Variants in IGF2BP3 observed in about 807,000 individuals in gnomAD.
IGF2BP3 encodes insulin like growth factor 2 mRNA binding protein 3, also known as insulin-like growth factor 2 mRNA-binding protein 3.
IGF2BP3 carries 9 observed loss-of-function variants against 73.8 expected under a neutral mutation model. The observed-to-expected ratio is 0.12, with a 90% CI of 0.07 to 0.21. IGF2BP3 has a LOEUF of 0.21. IGF2BP3 is among the 10% of genes least tolerant of loss of function. The pLI is 1.00. For missense variants in IGF2BP3, 542 were observed against 714.0 expected (o/e 0.76, Z 2.75); for synonymous variants, 258 against 256.7 (o/e 1.01, Z -0.05).
At position 23,312,310 on chromosome 7, in the gene IGF2BP3, A is replaced by T; in HGVS notation, c.*52T>A. The T allele has an allele frequency of 7.7e-7, 1 of 1,298,258 alleles. No homozygotes were observed. Among genetic ancestry groups the T allele is most frequent in the Non-Finnish European group, 1.1e-6 (1 of 895,206 alleles). The allele number at this position is 1,298,258 out of a possible 1,614,324, so 80.4% of individuals were successfully genotyped here. On this transcript the variant is annotated 3_prime_UTR_variant, in exon 15 of 15. Coordinates refer to ENST00000258729, the MANE Select transcript of IGF2BP3 (RefSeq NM_006547.3). ...GTCAGCGCCCATCTGTTGGTTAAGC[A>T]ATCTGTCTTTGGTTTGGCATCTGCC... is the stretch of plus-strand genomic sequence containing the variant.
At chr7:23,467,480 T>C (rs753215868) in intron 2 of IGF2BP3, among the ~76,000 whole-genome samples, 4 of 152,116 alleles carry the variant, frequency 2.6e-5, no homozygotes, top group Non-Finnish European at 5.9e-5. Flanking sequence ...AACCCCACCA[T>C]GCAAAATCCA....
chr7:23,411,069 C>T (rs186475562), intron 3 of IGF2BP3, among the ~76,000 whole-genome samples: 2 of 152,192 alleles, frequency 1.3e-5, no homozygotes, highest in African/African-American at 4.8e-5. Flanking sequence ...AGGCACCTAC[C>T]GAGAACATGC....
chr7:23,470,016 G>T lies in IGF2BP3; in HGVS notation c.95C>A (p.Pro32His), dbSNP rs1264870353. 1.2e-6 allele frequency: 2 copies of T among 1,612,932 alleles called. No individual in the cohort carries two copies. The highest frequency in any genetic ancestry group is 1.7e-6 in the Non-Finnish European group (2 of 1,179,740). ...FKDAKIPVSG[P>H]FLVKTGYAFV... ...CGCGTAGCCAGTCTTCACCAGGAAG[G>T]GTCCCGACACCGGGATCTTGGCGTC... Residue 32 changes from proline to histidine, a missense_variant, in exon 1 of 15, where the codon CCC (proline) becomes CAC (histidine). Pro to His is a moderately conservative substitution (Grantham distance 77). This residue lies in a region of IGF2BP3 where 239 missense variants were observed against 241.9 expected (regional missense o/e 0.99). Transcript: ENST00000258729.
intron 3 of IGF2BP3, among the ~76,000 whole-genome samples, chr7:23,406,065 A>AT (rs1308845597): frequency 5.0e-5 from 7 of 140,178 alleles, no homozygotes; most frequent in African/African-American, 1.8e-4. Flanking sequence ...AAATTTTCTG[A>AT]TTAAAAAAAA....
At chr7:23,437,587 A>G (rs1787835711) in intron 2 of IGF2BP3, among the ~76,000 whole-genome samples, 1 of 152,216 alleles carries the variant, frequency 6.6e-6, no homozygotes, top group Admixed American at 6.6e-5. Flanking sequence ...TGCACAATTC[A>G]TATTTATGCC....
intron 2 of IGF2BP3, among the ~76,000 whole-genome samples, chr7:23,452,117 G>C (rs1788214409): frequency 6.6e-6 from 1 of 151,670 alleles, no homozygotes; most frequent in African/African-American, 2.4e-5. Context: ...CCATTCTCTT[G>C]CCTCAGCCTC....
At chr7:23,341,463 TGA>T (rs1784710529) in intron 10 of IGF2BP3, among the ~76,000 whole-genome samples, 1 of 152,136 alleles carries the variant, frequency 6.6e-6, no homozygotes. Context: ...GCCAGGAGTT[TGA>T]GATCAGCCTG....
Position 23,418,811 on chromosome 7 carries a change from G to C in IGF2BP3, c.250C>G (p.Gln84Glu), listed in dbSNP as rs757666193. The C allele has an allele frequency of 8.9e-6, 14 of 1,580,184 alleles. No individual in the cohort carries two copies. The Admixed American group carries it at 1.5e-4, about 17-fold the overall frequency. Residue 84 changes from glutamine (Q) to glutamate (E), a missense_variant, in exon 3 of 15, where the codon CAG (glutamine) becomes GAG (glutamate). Coordinates refer to ENST00000258729, the MANE Select transcript of IGF2BP3 (RefSeq NM_006547.3). The stretch of plus-strand genomic sequence containing the variant: ...AAATGAGGCGGGATATTTCGTATCT[G>C]AAGTTTCCGAATCCTGCAGAAGAAT... ...VPKRQRIRKL[Q>E]IRNIPPHLQW... is the part of the protein sequence containing the mutation.
chr7:23,362,739 CA>C, intron 3 of IGF2BP3: 1 of 152,120 alleles, frequency 6.6e-6, no homozygotes, highest in South Asian at 2.1e-4. Flanking sequence ...AGTTTAACTA[CA>C]AATTTTCTTA....
intron 3 of IGF2BP3, 30 bp from the exon 4 acceptor site, chr7:23,361,771 T>C (rs1363991171): frequency 6.3e-7 from 1 of 1,580,784 alleles, no homozygotes; most frequent in African/African-American, 1.4e-5. Flanking sequence ...AAATTATAAA[T>C]TTTGAGTTTC....
chr7:23,416,049 C>A (rs1268913805), intron 3 of IGF2BP3: 3 of 152,046 alleles, frequency 2.0e-5, no homozygotes, highest in Non-Finnish European at 4.4e-5. Flanking sequence ...ATTTAATGCT[C>A]AAAGCAACCC....
In IGF2BP3 at chr7:23,339,399, T is replaced by C. The variant is rs6958632; in HGVS notation, c.1203+2665A>G. On this transcript the variant is annotated intron_variant, in intron 10 of 14. Coordinates refer to ENST00000258729, the MANE Select transcript of IGF2BP3 (RefSeq NM_006547.3). The stretch of plus-strand genomic sequence containing the variant: ...CAAAGCATTCTTAATTTTTCTAACA[T>C]AGGAACCTGATACACAGAACTATAC... Among the ~76,000 whole-genome samples, 1,265 of 152,316 alleles carry C rather than the reference T, an allele frequency of 8.3e-3. 16 individuals carry two copies. Among genetic ancestry groups the C allele is most frequent in the African/African-American group, 0.029 (1,201 of 41,576 alleles).
chr7:23,420,723 A>G (rs1321216053), intron 2 of IGF2BP3, among the ~76,000 whole-genome samples: 2 of 152,228 alleles, frequency 1.3e-5, no homozygotes, highest in Non-Finnish European at 2.9e-5. Flanking sequence ...TAGATTAACT[A>G]AACTCAGGTA....
In IGF2BP3 at chr7:23,314,890, C is replaced by T. The variant is rs1169938157; in HGVS notation, c.1396-1237G>A. Among the ~76,000 whole-genome samples, 15 of 152,162 alleles carry T rather than the reference C, an allele frequency of 9.9e-5. No individual in the cohort carries two copies. The South Asian group carries it at 2.9e-3, about 29-fold the overall frequency. ...TCGGCTTACTGCAACCTCCGACCCCCGGGTTCAAGCCATTCTCCTGCCTCA... is the reference window on the plus strand; with the variant it reads ...TCGGCTTACTGCAACCTCCGACCCCTGGGTTCAAGCCATTCTCCTGCCTCA... On this transcript the variant is annotated intron_variant, in intron 12 of 14. Transcript: ENST00000258729.
intron 2 of IGF2BP3, among the ~76,000 whole-genome samples, chr7:23,422,863 T>C (rs1269244511): frequency 2.0e-5 from 3 of 152,218 alleles, no homozygotes; most frequent in Non-Finnish European, 4.4e-5. Flanking sequence ...TAGCGTAATC[T>C]CGGCTCACTG....
chr7:23,360,119 GAA>G (rs1437425632), intron 5 of IGF2BP3, among the ~76,000 whole-genome samples: 2 of 151,248 alleles, frequency 1.3e-5, no homozygotes, highest in African/African-American at 4.9e-5. Flanking sequence ...GAGAATTGGA[GAA>G]AGACTCCCCC....
chr7:23,351,735 CAT>C, intron 5 of IGF2BP3, 149 bp from the exon 6 acceptor site: 2 of 741,444 alleles, frequency 2.7e-6, no homozygotes, highest in Non-Finnish European at 4.3e-6. Flanking sequence ...CCGCAACACA[CAT>C]AATCCTCCCC....
intron 10 of IGF2BP3, among the ~76,000 whole-genome samples, chr7:23,328,902 A>C (rs1784371731): frequency 6.6e-6 from 1 of 152,166 alleles, no homozygotes. Flanking sequence ...ATGAGTAAAA[A>C]AAATGTAGTA....
chr7:23,314,430 C>A (rs1294780956), intron 12 of IGF2BP3, among the ~76,000 whole-genome samples: 1 of 151,952 alleles, frequency 6.6e-6, no homozygotes, highest in Admixed American at 6.6e-5. Context: ...AAGTGATGTG[C>A]CCACCTCAGC....
Sources: gnomAD v4.1 joint callset for allele counts (sites outside exome capture counted in the v4.1 genomes callset) on GRCh38, gnomAD v4.1.1 for gene constraint, gnomAD v4.1.1 regional missense constraint, MANE v1.5 for transcripts, NCBI Gene and HGNC (gene_info 2026-07-23, HGNC 2026-07-21) for gene names.